The following GNAI1 variants were observed in gnomAD, a reference collection of about 807,000 sequenced individuals.
The protein encoded by GNAI1 is G protein subunit alpha i1.
Under a neutral mutation model 38.9 loss-of-function variants are expected in GNAI1, and 11 were observed. The ratio of observed to expected loss-of-function variants is 0.28; its 90% confidence interval spans 0.18 to 0.47. The LOEUF (loss-of-function observed/expected upper bound fraction) is 0.47. GNAI1 is among the 20% of genes least tolerant of loss of function. The pLI, the probability that GNAI1 is intolerant of heterozygous loss-of-function variation, is 0.99. For synonymous variants in GNAI1, 166 were observed against 145.1 expected (o/e 1.14, Z -1.04); for missense variants, 317 against 436.9 (o/e 0.73, Z 2.45).
At chr7:80,166,862 G>T (rs1788018226) in intron 1 of GNAI1, among the ~76,000 whole-genome samples, 1 of 152,124 alleles carries the variant, frequency 6.6e-6, no homozygotes, top group Non-Finnish European at 1.5e-5. Flanking sequence ...CAGGTTCCAG[G>T]TGCTCTTCCC....
chr7:80,217,679 A>G lies in GNAI1; in HGVS notation c.*186A>G, dbSNP rs1274287338. 1.2e-5 allele frequency: 5 copies of G among 427,348 alleles called. No homozygotes were observed. The highest frequency in any genetic ancestry group is 2.1e-5 in the Non-Finnish European group (5 of 240,368). 26.5% of individuals were successfully genotyped at this position (427,348 alleles called of 1,614,324 possible). A position where few individuals can be genotyped will look rare whatever the true frequency, so the allele number is the denominator to read the frequency against. Reference sequence around the variant, plus strand: ...CAGAAGGACCTTTCTTAAATGTGACAGATGGTCCTGCAGTGTGAAACTGAA... The same window carrying G: ...CAGAAGGACCTTTCTTAAATGTGACGGATGGTCCTGCAGTGTGAAACTGAA... On this transcript the variant is annotated 3_prime_UTR_variant, in exon 8 of 8. Transcript: ENST00000649796.
At chr7:80,144,790 G>A (rs1787589984) in intron 1 of GNAI1, among the ~76,000 whole-genome samples, 1 of 152,160 alleles carries the variant, frequency 6.6e-6, no homozygotes, top group African/African-American at 2.4e-5. Flanking sequence ...TGGTTCCGAA[G>A]TTAATCTAAT....
intron 4 of GNAI1, among the ~76,000 whole-genome samples, chr7:80,202,341 G>A (rs890195981): frequency 1.3e-5 from 2 of 152,128 alleles, no homozygotes; most frequent in South Asian, 4.1e-4. Flanking sequence ...GCCCACCTCG[G>A]CCTCACAAAG....
chr7:80,191,533 G>C (rs11980854), intron 3 of GNAI1, among the ~76,000 whole-genome samples: 3,114 of 151,980 alleles, frequency 0.02, 100 homozygotes, highest in African/African-American at 0.071. Context: ...CTGGAACCAC[G>C]GATGTATGCC....
chr7:80,161,958 T>C (rs987136072), intron 1 of GNAI1, among the ~76,000 whole-genome samples: 4 of 152,168 alleles, frequency 2.6e-5, no homozygotes, highest in African/African-American at 9.7e-5. Context: ...TACCAGGTTA[T>C]TTAATAGTTA....
At chr7:80,138,237 C>T (rs541868169) in intron 1 of GNAI1, among the ~76,000 whole-genome samples, 1 of 152,108 alleles carries the variant, frequency 6.6e-6, no homozygotes, top group Non-Finnish European at 1.5e-5. Flanking sequence ...TCATTTTAAA[C>T]AGCTGGGCTG....
At position 80,212,939 on chromosome 7, in the gene GNAI1, A is replaced by G. The variant is rs1405639071; in HGVS notation, c.874+70A>G. 43 of 1,006,190 alleles carry G rather than the reference A, an allele frequency of 4.3e-5. 1 individual carries two copies. The Middle Eastern group carries it at 1.0e-3, about 24-fold the overall frequency. The allele number at this position is 1,006,190 out of a possible 1,614,324, so 62.3% of individuals were successfully genotyped here. On this transcript the variant is annotated intron_variant, in intron 7 of 7. Coordinates refer to ENST00000649796, the MANE Select transcript of GNAI1 (RefSeq NM_002069.6). ...AAGTGAAACTTCCCCTAAGGCAAGA[A>G]TTCAGTTGTTAATTTAAATCTCTTG...
intron 1 of GNAI1, among the ~76,000 whole-genome samples, chr7:80,187,656 C>T (rs1027654907): frequency 6.6e-6 from 1 of 152,016 alleles, no homozygotes; most frequent in Admixed American, 6.6e-5. Flanking sequence ...AATATGGAGC[C>T]TAAAATGAAA....
chr7:80,214,608 A>C (rs1188684555), intron 7 of GNAI1, among the ~76,000 whole-genome samples: 1 of 152,218 alleles, frequency 6.6e-6, no homozygotes, highest in African/African-American at 2.4e-5. Context: ...TCACATCCCC[A>C]GAGTTAAGAT....
chr7:80,189,038 C>T (rs774482744), intron 2 of GNAI1, 45 bp downstream of exon 2: 47 of 1,598,328 alleles, frequency 2.9e-5, no homozygotes, highest in South Asian at 8.8e-5. Context: ...GTTAGTGTAC[C>T]GTTCTACCAA....
chr7:80,161,717 A>C (rs574351116), intron 1 of GNAI1, among the ~76,000 whole-genome samples: 2 of 152,180 alleles, frequency 1.3e-5, no homozygotes, highest in Admixed American at 6.5e-5. Flanking sequence ...TCCACAACTC[A>C]AAATACTCTG....
intron 1 of GNAI1, among the ~76,000 whole-genome samples, chr7:80,142,439 C>T (rs920638125): frequency 6.6e-6 from 1 of 152,156 alleles, no homozygotes; most frequent in African/African-American, 2.4e-5. Context: ...TCCTGATCAT[C>T]CAGTCTAAAT....
intron 1 of GNAI1, among the ~76,000 whole-genome samples, chr7:80,179,444 T>C (rs113480211): frequency 6.6e-6 from 1 of 152,220 alleles, no homozygotes; most frequent in African/African-American, 2.4e-5. Flanking sequence ...CGTATTTCTT[T>C]GGCTTATTAG....
In GNAI1 at chr7:80,221,481, CAT is replaced by C. The variant is rs1446145043; in HGVS notation, c.*3990_*3991del. On this transcript the variant is annotated 3_prime_UTR_variant, in exon 8 of 8. Transcript: ENST00000649796. ...TGAAATGCCTCAAAAACAAAACTCT[CAT>C]AATTCGTTTTCATAATGAAAACTAA... 6.6e-6 allele frequency among the ~76,000 whole-genome samples: 1 copy of C among 152,046 alleles called. No individual in the cohort carries two copies. The highest frequency in any genetic ancestry group is 1.5e-5 in the Non-Finnish European group (1 of 68,008).
In GNAI1 at chr7:80,206,678, G is replaced by A. The variant is rs114202013; in HGVS notation, c.590+2846G>A. Among the ~76,000 whole-genome samples the A allele has an allele frequency of 3.9e-3, 599 of 151,926 alleles. 4 individuals are homozygous for A. Among genetic ancestry groups the A allele is most frequent in the African/African-American group, 0.013 (559 of 41,462 alleles). On this transcript the variant is annotated intron_variant, in intron 5 of 7. Coordinates refer to ENST00000649796, the MANE Select transcript of GNAI1 (RefSeq NM_002069.6). ...TAAAGCAAACTTAAATTATGTTCAG[G>A]TAATGGCTTACGGTAGTCTCCCCTT...
intron 1 of GNAI1, among the ~76,000 whole-genome samples, chr7:80,141,375 A>T (rs1238814973): frequency 6.6e-6 from 1 of 152,190 alleles, no homozygotes; most frequent in Non-Finnish European, 1.5e-5. Flanking sequence ...CTGGGACAAA[A>T]TTCCTGTCTG....
chr7:80,214,583 T>C (rs1421838890), intron 7 of GNAI1, among the ~76,000 whole-genome samples: 1 of 152,214 alleles, frequency 6.6e-6, no homozygotes, highest in African/African-American at 2.4e-5. Context: ...ACAAAAAGAA[T>C]ATTACATAAT....
At chr7:80,142,182 C>A (rs1787538605) in intron 1 of GNAI1, among the ~76,000 whole-genome samples, 1 of 152,126 alleles carries the variant, frequency 6.6e-6, no homozygotes. Flanking sequence ...TTGCCCATTT[C>A]TGCATTTTTA....
rs115722917 is a variant in GNAI1, at chr7:80,192,247, C to A, written c.303+3016C>A. ...TCTTCACCTTATAATTTTTTAAATTCTCTTATTTTTTTAGAATGTTTGTAG... is the reference window on the plus strand; with the variant it reads ...TCTTCACCTTATAATTTTTTAAATTATCTTATTTTTTTAGAATGTTTGTAG... On this transcript the variant is annotated intron_variant, in intron 3 of 7. Coordinates refer to ENST00000649796, the MANE Select transcript of GNAI1 (RefSeq NM_002069.6). Among the ~76,000 whole-genome samples the A allele has an allele frequency of 3.2e-3, 494 of 152,148 alleles. 1 individual carries two copies. Among genetic ancestry groups the A allele is most frequent in the African/African-American group, 0.011 (458 of 41,526 alleles).
Sources: allele counts gnomAD v4.1 joint callset (sites outside exome capture counted in the v4.1 genomes callset), GRCh38; gene constraint gnomAD v4.1.1; transcripts MANE v1.5; gene names NCBI Gene and HGNC (gene_info 2026-07-23, HGNC 2026-07-21).